Variants in PIK3C2G observed in about 807,000 individuals in gnomAD.
PIK3C2G encodes phosphatidylinositol 3-kinase C2 domain-containing subunit gamma.
A neutral mutation model predicts 181.1 loss-of-function variants in PIK3C2G; 168 were observed. That is an observed-to-expected ratio of 0.93 (90% CI 0.82 to 1.05). The LOEUF is 1.05. Among genes scored for constraint, PIK3C2G ranks in the 50% least tolerant of loss-of-function variants. The probability of loss-of-function intolerance (pLI) is 0.00; values close to 1 mark genes in which losing one functional copy is unlikely to be tolerated. For synonymous variants in PIK3C2G, 573 were observed against 592.2 expected, an observed-to-expected ratio of 0.97 and a Z score of 0.47; for missense variants, 1,869 against 1,732.8, an observed-to-expected ratio of 1.08 and a Z score of -1.40.
intron 4 of PIK3C2G, among the ~76,000 whole-genome samples, chr12:18,291,924 A>AG (rs1949706231): frequency 6.6e-6 from 1 of 151,076 alleles, no homozygotes; most frequent in African/African-American, 2.4e-5. Context: ...TAAAGAATAT[A>AG]GGGGCTGGGC....
At chr12:18,595,941 C>T (rs1426813040) in intron 30 of PIK3C2G, among the ~76,000 whole-genome samples, 1 of 152,100 alleles carries the variant, frequency 6.6e-6, no homozygotes, top group Middle Eastern at 3.2e-3. Context: ...TCAAAACACT[C>T]ATTGCCATGA....
chr12:18,254,954 C>T (rs12425039), intron 1 of PIK3C2G, among the ~76,000 whole-genome samples: 54,431 of 151,448 alleles, frequency 0.36, 9,908 homozygotes, highest in Non-Finnish European at 0.4. Context: ...TCAGGCCGGG[C>T]GCAGTGGCTC....
At chr12:18,508,472 T>C (rs1183345194) in intron 24 of PIK3C2G, among the ~76,000 whole-genome samples, 1 of 152,186 alleles carries the variant, frequency 6.6e-6, no homozygotes, top group Admixed American at 6.5e-5. Context: ...TACACAAAAG[T>C]CCTTTTACAA....
At chr12:18,327,366 G>GT (rs901117002) in intron 8 of PIK3C2G, among the ~76,000 whole-genome samples, 9 of 151,922 alleles carry the variant, frequency 5.9e-5, no homozygotes, top group Admixed American at 1.3e-4. Flanking sequence ...GAAAAATAAT[G>GT]TTTTTTTCAT....
At chr12:18,685,986 C>T in the PIK3C2G span, among the ~76,000 whole-genome samples, 3 of 151,846 alleles carry the variant, frequency 2.0e-5, no homozygotes, top group African/African-American at 7.3e-5. Flanking sequence ...CTAGACATGA[C>T]CAAAACTGAA....
At chr12:18,371,090 T>C (rs962782429) in intron 12 of PIK3C2G, 90 bp from the exon 13 acceptor site, 2 of 1,031,392 alleles carry the variant, frequency 1.9e-6, no homozygotes, top group Non-Finnish European at 2.6e-6. Flanking sequence ...GTTAAATATC[T>C]TTGTCCCAGA....
At chr12:18,327,918 A>C (rs1951420402) in intron 8 of PIK3C2G, among the ~76,000 whole-genome samples, 1 of 151,990 alleles carries the variant, frequency 6.6e-6, no homozygotes, top group South Asian at 2.1e-4. Flanking sequence ...AATGGTGTCT[A>C]TACAGAGCAA....
intron 30 of PIK3C2G, among the ~76,000 whole-genome samples, chr12:18,608,584 C>T (rs1948177026): frequency 6.6e-6 from 1 of 150,880 alleles, no homozygotes; most frequent in African/African-American, 2.4e-5. Flanking sequence ...GGAGGAATAG[C>T]ATTAGGAGAT....
intron 29 of PIK3C2G, among the ~76,000 whole-genome samples, chr12:18,575,647 G>A (rs978014034): frequency 2.0e-5 from 3 of 152,168 alleles, no homozygotes; most frequent in African/African-American, 7.2e-5. Flanking sequence ...GTGAGGTAGA[G>A]AAGGCATCCC....
Position 18,339,215 on chromosome 12 carries a change from T to C in PIK3C2G, c.1395+667T>C, listed in dbSNP as rs201615056. Among the ~76,000 whole-genome samples, 42 of 152,286 alleles carry C rather than the reference T, an allele frequency of 2.8e-4. No homozygotes were observed. The East Asian group carries it at 7.5e-3, about 27-fold the overall frequency. On this transcript the variant is annotated intron_variant, in intron 9 of 32. Transcript: ENST00000538779. ...ACGACATCTGGTTACAATAAATTCA[T>C]TTATCTTATTATTAGTTTAGCAAAT...
chr12:18,274,215 C>T (rs1369408457), intron 1 of PIK3C2G, among the ~76,000 whole-genome samples: 2 of 152,138 alleles, frequency 1.3e-5, no homozygotes, highest in Non-Finnish European at 2.9e-5. Context: ...GGACTGTAAA[C>T]TAGTTCAACC....
At chr12:18,636,538 T>C (rs909880558) in intron 31 of PIK3C2G, among the ~76,000 whole-genome samples, 19 of 152,214 alleles carry the variant, frequency 1.2e-4, no homozygotes, top group African/African-American at 4.6e-4. Flanking sequence ...TGGTGGTCTT[T>C]GTTAACAGGT....
chr12:18,688,657 C>T, the PIK3C2G span, among the ~76,000 whole-genome samples: 1 of 151,678 alleles, frequency 6.6e-6, no homozygotes, highest in Admixed American at 6.6e-5. Flanking sequence ...CTGAGTTTCA[C>T]AAAATCAGTT....
chr12:18,343,333 T>C lies in PIK3C2G; in HGVS notation c.1402T>C (p.Tyr468His), dbSNP rs1373647608. 5.1e-6 allele frequency: 7 copies of C among 1,366,908 alleles called. No individual in the cohort carries two copies. The highest frequency in any genetic ancestry group is 4.4e-5 in the African/African-American group (3 of 68,742). 84.7% of individuals were successfully genotyped at this position (1,366,908 alleles called of 1,614,324 possible). ...ATTTTACATTTTTTTTCAGAATTTTTATCAAAGTTCAGAGACTTCAGCAAA... is the reference window on the plus strand; with the variant it reads ...ATTTTACATTTTTTTTCAGAATTTTCATCAAAGTTCAGAGACTTCAGCAAA... ...LILQRKGENF[Y>H]QSSETSAKGL... The change falls in exon 10 of 33, where the codon TAT becomes CAT. Residue 468 changes from tyrosine to histidine, a missense_variant. Physicochemically the swap from Tyr to His is moderately conservative, Grantham distance 83. Coordinates refer to ENST00000538779, the MANE Select transcript of PIK3C2G (RefSeq NM_001288772.2).
chr12:18,309,247 T>C (rs1950544219), intron 5 of PIK3C2G, among the ~76,000 whole-genome samples: 1 of 151,856 alleles, frequency 6.6e-6, no homozygotes. Flanking sequence ...TGGATTGTCA[T>C]TTAGACAAAT....
chr12:18,275,343 C>T, intron 1 of PIK3C2G, among the ~76,000 whole-genome samples: 1 of 151,978 alleles, frequency 6.6e-6, no homozygotes, highest in Non-Finnish European at 1.5e-5. Flanking sequence ...TTCACTTCAT[C>T]TTTCTCCTTT....
chr12:18,594,692 C>T (rs1947263167), intron 30 of PIK3C2G, 123 bp downstream of exon 30: 2 of 496,438 alleles, frequency 4.0e-6, no homozygotes, highest in Non-Finnish European at 7.1e-6. Flanking sequence ...GACTTTAATA[C>T]TCTTTTCTAA....
chr12:18,388,980 T>C (rs774121363), intron 14 of PIK3C2G, among the ~76,000 whole-genome samples: 89 of 152,320 alleles, frequency 5.8e-4, no homozygotes, highest in Non-Finnish European at 1.2e-3. Flanking sequence ...CCTCAAGGCT[T>C]AGCCAGGAAT....
intron 30 of PIK3C2G, among the ~76,000 whole-genome samples, chr12:18,603,823 A>G (rs1292759456): frequency 6.6e-6 from 1 of 152,210 alleles, no homozygotes; most frequent in Admixed American, 6.5e-5. Flanking sequence ...ACAAATGCTG[A>G]GAGAATTCAC....
Sources: gnomAD v4.1 joint callset for allele counts (sites outside exome capture counted in the v4.1 genomes callset) on GRCh38, gnomAD v4.1.1 for gene constraint, MANE v1.5 for transcripts, NCBI Gene and HGNC (gene_info 2026-07-23, HGNC 2026-07-21) for gene names.